Variants in EYA2 observed in about 807,000 individuals in gnomAD.
EYA2 encodes EYA transcriptional coactivator and phosphatase 2.
EYA2 carries 31 observed loss-of-function variants against 69.2 expected under a neutral mutation model. The ratio of observed to expected loss-of-function variants is 0.45; its 90% CI spans 0.34 to 0.60. The LOEUF is 0.60. Ranked by LOEUF, EYA2 falls within the 20% of genes least tolerant of loss-of-function variation. The pLI is 0.02. For synonymous variants in EYA2, 257 were observed against 279.4 expected, an observed-to-expected ratio of 0.92 and a Z score of 0.80; for missense variants, 622 against 701.2, an observed-to-expected ratio of 0.89 and a Z score of 1.28.
At chr20:46,992,437 G>A (rs1981740368) in intron 2 of EYA2, among the ~76,000 whole-genome samples, 1 of 152,130 alleles carries the variant, frequency 6.6e-6, no homozygotes, top group African/African-American at 2.4e-5. Flanking sequence ...TATACAACTG[G>A]TAGGCTATGA....
chr20:47,020,807 T>G (rs1983704484), intron 5 of EYA2, among the ~76,000 whole-genome samples: 1 of 151,984 alleles, frequency 6.6e-6, no homozygotes, highest in Non-Finnish European at 1.5e-5. Flanking sequence ...TTTGGGAGAC[T>G]AAATAACATG....
At position 47,172,884 on chromosome 20, in the gene EYA2, T is replaced by G. The variant is rs1332337131; in HGVS notation, c.1198+17T>G. On this transcript the variant is annotated intron_variant, in intron 12 of 15. Coordinates refer to ENST00000327619, the MANE Select transcript of EYA2 (RefSeq NM_005244.5). ...ACGTTGGTGGTGAGTACTGTGAGCC[T>G]TGGGCCTCCGAGGAAGGGAAACTCA... 1 of 1,594,000 alleles carries G rather than the reference T, an allele frequency of 6.3e-7. No homozygotes were observed. Among genetic ancestry groups the G allele is most frequent in the Admixed American group, 1.7e-5 (1 of 58,028 alleles).
rs769728250 is a variant in EYA2, at chr20:47,180,887, C to T, written c.1386C>T (p.Gly462=). 2.5e-6 allele frequency: 4 copies of T among 1,614,066 alleles called. No individual in the cohort carries two copies. The highest frequency in any genetic ancestry group is 2.5e-6 in the Non-Finnish European group (3 of 1,180,048). The change falls in exon 14 of 16, where the codon GGC becomes GGT. Residue 462 remains glycine, a synonymous_variant. Transcript: ENST00000327619. ...CCCTGGCCAAAGTCCTGCTATATGG[C>T]CTGGGGTCTGTGTTTCCTATTGAGA... ...IPALAKVLLY[G]LGSVFPIENI...
At chr20:47,095,418 TAAAAG>T (rs1363420284) in intron 8 of EYA2, among the ~76,000 whole-genome samples, 1 of 151,936 alleles carries the variant, frequency 6.6e-6, no homozygotes, top group Admixed American at 6.5e-5. Flanking sequence ...AGAAAATTAT[TAAAAG>T]AAATAAGAAA....
intron 1 of EYA2, among the ~76,000 whole-genome samples, chr20:46,965,603 C>T (rs754973816): frequency 1.2e-4 from 18 of 152,372 alleles, no homozygotes; most frequent in East Asian, 1.9e-4. Context: ...TTCTTCCCAG[C>T]GTGCAGAACT....
intron 4 of EYA2, 89 bp from the exon 5 acceptor site, chr20:47,016,092 G>C: frequency 1.0e-6 from 1 of 972,664 alleles, no homozygotes; most frequent in Non-Finnish European, 1.7e-6. Flanking sequence ...ATTGCATGCT[G>C]TCTTGACCCA....
intron 9 of EYA2, among the ~76,000 whole-genome samples, chr20:47,136,163 G>A (rs937184554): frequency 1.3e-5 from 2 of 152,196 alleles, no homozygotes; most frequent in African/African-American, 4.8e-5. Flanking sequence ...CCTAATCTAT[G>A]TGGACTGGGA....
rs571858862 is a variant in EYA2, at chr20:47,188,322, C to T, written c.*189C>T. 6 of 618,294 alleles carry T rather than the reference C, an allele frequency of 9.7e-6. No individual in the cohort carries two copies. In the East Asian group the frequency reaches 1.6e-4, roughly 17 times the overall value. The allele number at this position is 618,294 out of a possible 1,614,324, so 38.3% of individuals were successfully genotyped here. On this transcript the variant is annotated 3_prime_UTR_variant, in exon 16 of 16. Coordinates refer to ENST00000327619, the MANE Select transcript of EYA2 (RefSeq NM_005244.5). ...AATGGGGGTTCTGAGAAGGAAAGTA[C>T]CCAACATTGGCTTCGGAGTATTTGA...
rs11467574 is a variant in EYA2, at chr20:47,039,111, T to TCACACACACACACACA, written c.415+22820_415+22835dup. Among the ~76,000 whole-genome samples, 331 of 149,972 alleles carry TCACACACACACACACA rather than the reference T, an allele frequency of 2.2e-3. 2 individuals are homozygous for TCACACACACACACACA. The highest frequency in any genetic ancestry group is 6.6e-3 in the African/African-American group (269 of 40,740). On this transcript the variant is annotated intron_variant, in intron 5 of 15. Coordinates refer to ENST00000327619, the MANE Select transcript of EYA2 (RefSeq NM_005244.5). ...CAAAAAACCAGAGCAGATGTCGAAA[T>TCACACACACACACACA]CACACACACACACACACACACGCGC...
chr20:47,088,885 T>C (rs2031982803), intron 7 of EYA2, among the ~76,000 whole-genome samples: 1 of 152,146 alleles, frequency 6.6e-6, no homozygotes, highest in Non-Finnish European at 1.5e-5. Context: ...CCCTGACTTG[T>C]TAATTCTCTG....
rs1467283739 is a variant in EYA2 at position 47,113,924 on chromosome 20, ATTTAAATG to A, written c.888+16757_888+16764del. ...CTCCACTGTGCTTCTGGGGTTTCTT[ATTTAAATG>A]GAACTAGGTGTCATTCAAAGTAGCA... is the stretch of plus-strand genomic sequence containing the variant. On this transcript the variant is annotated intron_variant, in intron 9 of 15. Coordinates refer to ENST00000327619, the MANE Select transcript of EYA2 (RefSeq NM_005244.5). Among the ~76,000 whole-genome samples, 10 of 149,622 alleles carry A rather than the reference ATTTAAATG, an allele frequency of 6.7e-5. No homozygotes were observed. The South Asian group carries it at 1.7e-3, about 25-fold the overall frequency.
chr20:47,041,125 G>A (rs192352357), intron 5 of EYA2, among the ~76,000 whole-genome samples: 25 of 152,262 alleles, frequency 1.6e-4, no homozygotes, highest in African/African-American at 5.5e-4. Context: ...CTGCCAGCCC[G>A]CTGAAGCAGT....
intron 10 of EYA2, among the ~76,000 whole-genome samples, chr20:47,148,071 AAAG>A (rs1405302167): frequency 6.6e-6 from 1 of 151,692 alleles, no homozygotes; most frequent in South Asian, 2.1e-4. Context: ...AAAAAAAAAA[AAAG>A]AATAAAAAAA....
At chr20:47,015,286 G>T (rs1983340162) in intron 4 of EYA2, among the ~76,000 whole-genome samples, 1 of 152,204 alleles carries the variant, frequency 6.6e-6, no homozygotes, top group African/African-American at 2.4e-5. Flanking sequence ...ATGAGCTGAT[G>T]ATGGTTAGCC....
intron 1 of EYA2, among the ~76,000 whole-genome samples, chr20:46,983,525 C>T (rs1315096207): frequency 6.6e-6 from 1 of 152,190 alleles, no homozygotes; most frequent in East Asian, 1.9e-4. Context: ...TTTTGCCTTC[C>T]TGTAATTAGG....
At chr20:47,166,687 T>C (rs919621523) in intron 10 of EYA2, among the ~76,000 whole-genome samples, 3 of 151,786 alleles carry the variant, frequency 2.0e-5, no homozygotes, top group Admixed American at 6.6e-5. Flanking sequence ...AACTAACATG[T>C]ATGCAGTAGC....
intron 10 of EYA2, among the ~76,000 whole-genome samples, chr20:47,167,351 A>T (rs1276095345): frequency 7.4e-6 from 1 of 134,784 alleles, no homozygotes; most frequent in Non-Finnish European, 1.5e-5. Flanking sequence ...GTGTGATCTC[A>T]GCTCACTGCA....
At chr20:47,049,427 T>C (rs920834312) in intron 5 of EYA2, among the ~76,000 whole-genome samples, 4 of 152,188 alleles carry the variant, frequency 2.6e-5, no homozygotes, top group African/African-American at 9.7e-5. Flanking sequence ...AGGTGGGGCC[T>C]GGTGGGAGGT....
intron 7 of EYA2, among the ~76,000 whole-genome samples, chr20:47,086,018 ATAAG>A (rs1448182868): frequency 1.3e-5 from 2 of 152,380 alleles, no homozygotes; most frequent in East Asian, 3.9e-4. Context: ...AATGCGTTAA[ATAAG>A]TAAACACATT....
Sources: allele counts gnomAD v4.1 joint callset (sites outside exome capture counted in the v4.1 genomes callset), GRCh38; gene constraint gnomAD v4.1.1; transcripts MANE v1.5; gene names NCBI Gene and HGNC (gene_info 2026-07-23, HGNC 2026-07-21).